Variants in TACR3 observed in about 807,000 individuals in gnomAD.
The protein encoded by TACR3 is neuromedin-K receptor.
In TACR3, 34 loss-of-function variants were observed where a neutral mutation model predicts 35.0. That is an observed-to-expected ratio of 0.97 (90% confidence interval 0.74 to 1.30). The LOEUF (loss-of-function observed/expected upper bound fraction) is 1.30, where lower values mean the gene tolerates loss of function less well. Ranked by LOEUF, TACR3 falls within the 50% of genes most tolerant of loss-of-function variation. TACR3 has a pLI of 0.00. For missense variants in TACR3, 558 were observed against 591.7 expected (o/e 0.94, Z 0.59); for synonymous variants, 233 against 221.1 (o/e 1.05, Z -0.48).
At chr4:103,681,381 T>C (rs1029512623) in intron 1 of TACR3, among the ~76,000 whole-genome samples, 3 of 152,070 alleles carry the variant, frequency 2.0e-5, no homozygotes, top group Middle Eastern at 3.2e-3. Context: ...TGTCATAACA[T>C]CTCTCATTTA....
chr4:103,714,347 T>C (rs1047719293), intron 1 of TACR3, among the ~76,000 whole-genome samples: 1 of 152,130 alleles, frequency 6.6e-6, no homozygotes, highest in African/African-American at 2.4e-5. Flanking sequence ...TCAATTAATA[T>C]ATATTTATTG....
intron 3 of TACR3, among the ~76,000 whole-genome samples, chr4:103,605,536 A>T (rs1191149589): frequency 6.7e-6 from 1 of 148,892 alleles, no homozygotes; most frequent in African/African-American, 2.5e-5. Context: ...GGTGTGAGAT[A>T]GTATCTCATT....
At chr4:103,643,542 T>A (rs950583856) in intron 3 of TACR3, among the ~76,000 whole-genome samples, 1 of 151,786 alleles carries the variant, frequency 6.6e-6, no homozygotes, top group Non-Finnish European at 1.5e-5. Context: ...AGGAATGAAC[T>A]CTACTTGCAC....
At chr4:103,716,369 C>T (rs543278754) in intron 1 of TACR3, among the ~76,000 whole-genome samples, 9 of 151,934 alleles carry the variant, frequency 5.9e-5, no homozygotes, top group East Asian at 3.9e-4. Flanking sequence ...AAAACAGTTT[C>T]GCAGGACTTT....
At chr4:103,689,099 A>G (rs1196724233) in intron 1 of TACR3, among the ~76,000 whole-genome samples, 96 of 151,886 alleles carry the variant, frequency 6.3e-4, no homozygotes, top group African/African-American at 2.1e-3. Context: ...TGTCCTTTGT[A>G]GGGACATGGA....
intron 3 of TACR3, among the ~76,000 whole-genome samples, chr4:103,653,651 T>C (rs796090322): frequency 6.9e-6 from 1 of 144,806 alleles, no homozygotes; most frequent in Non-Finnish European, 1.5e-5. Flanking sequence ...GGACTTCATG[T>C]CTAAAACACC....
chr4:103,713,519 G>A (rs1156755611), intron 1 of TACR3, among the ~76,000 whole-genome samples: 1 of 151,420 alleles, frequency 6.6e-6, no homozygotes, highest in African/African-American at 2.4e-5. Context: ...TATACCTAAT[G>A]TAAATGACGA....
rs1560822015 is a variant in TACR3 at position 103,650,697 on chromosome 4, AT to A, written c.888+5496del. On this transcript the variant is annotated intron_variant, in intron 3 of 4. Transcript: ENST00000304883. Reference sequence around the variant, plus strand: ...ATATATTATATCATATATAATATATATTTATATATATAAATATATATAAATA... The same window carrying A: ...ATATATTATATCATATATAATATATATTATATATATAAATATATATAAATA... 3.6e-3 allele frequency among the ~76,000 whole-genome samples: 28 copies of A among 7,818 alleles called. 1 individual carries two copies. Among genetic ancestry groups the A allele is most frequent in the African/African-American group, 0.031 (27 of 884 alleles). 5.1% of individuals were successfully genotyped at this position (7,818 alleles called of 152,430 possible).
chr4:103,618,720 A>G (rs1724713432), intron 3 of TACR3, among the ~76,000 whole-genome samples: 1 of 151,678 alleles, frequency 6.6e-6, no homozygotes, highest in Non-Finnish European at 1.5e-5. Context: ...AATTCCTCCA[A>G]TCCATGAGCA....
rs184558790 is a variant in TACR3 at position 103,608,987 on chromosome 4, A to G, written c.889-17304T>C. 1.4e-3 allele frequency among the ~76,000 whole-genome samples: 208 copies of G among 152,248 alleles called. 1 individual carries two copies. Among genetic ancestry groups the G allele is most frequent in the African/African-American group, 4.8e-3 (201 of 41,560 alleles). On this transcript the variant is annotated intron_variant, in intron 3 of 4. Coordinates refer to ENST00000304883, the MANE Select transcript of TACR3 (RefSeq NM_001059.3). ...AGCCTGAGGCAATGTCATTAGCTAA[A>G]TAGATGAGGAATTAATTTGATTAGA...
At chr4:103,616,264 G>A (rs918180940) in intron 3 of TACR3, among the ~76,000 whole-genome samples, 1 of 151,808 alleles carries the variant, frequency 6.6e-6, no homozygotes, top group African/African-American at 2.4e-5. Flanking sequence ...AGAATTTTAG[G>A]GATTCTGGCT....
rs576653976 is a variant in TACR3, at chr4:103,679,322, G to A, written c.549-20919C>T. ...TGTATTTCTTTGAGATGACAGTGTG[G>A]CGTATAAATAATGGCTGTTATGGTT... On this transcript the variant is annotated intron_variant, in intron 1 of 4. Coordinates refer to ENST00000304883, the MANE Select transcript of TACR3 (RefSeq NM_001059.3). Among the ~76,000 whole-genome samples, 424 of 152,074 alleles carry A rather than the reference G, an allele frequency of 2.8e-3. 2 individuals carry two copies. The highest frequency in any genetic ancestry group is 9.8e-3 in the African/African-American group (407 of 41,546).
At chr4:103,708,470 A>G (rs1399681231) in intron 1 of TACR3, among the ~76,000 whole-genome samples, 1 of 152,212 alleles carries the variant, frequency 6.6e-6, no homozygotes, top group Non-Finnish European at 1.5e-5. Context: ...GAAAACTAAC[A>G]AATAGAAAGG....
chr4:103,624,804 G>GT (rs898289393), intron 3 of TACR3, among the ~76,000 whole-genome samples: 7 of 152,202 alleles, frequency 4.6e-5, no homozygotes, highest in African/African-American at 1.4e-4. Context: ...AGAATATTTT[G>GT]TTTTTTCTGA....
intron 3 of TACR3, among the ~76,000 whole-genome samples, chr4:103,609,575 TATCTC>T (rs1303971625): frequency 3.3e-5 from 5 of 152,252 alleles, no homozygotes; most frequent in Non-Finnish European, 5.9e-5. Flanking sequence ...ACAGAATACT[TATCTC>T]AAACATTTGT....
intron 1 of TACR3, among the ~76,000 whole-genome samples, chr4:103,709,033 G>T (rs1293399936): frequency 6.6e-6 from 1 of 152,196 alleles, no homozygotes; most frequent in Non-Finnish European, 1.5e-5. Flanking sequence ...CCTCTGATTG[G>T]TGTACCTGCA....
At chr4:103,624,127 A>G (rs1724841802) in intron 3 of TACR3, among the ~76,000 whole-genome samples, 2 of 152,276 alleles carry the variant, frequency 1.3e-5, no homozygotes, top group South Asian at 2.1e-4. Context: ...TCTAATTAAT[A>G]TTTGAGTTCC....
Position 103,719,466 on chromosome 4 carries a change from G to A in TACR3, c.210C>T (p.Pro70=). 1.2e-6 allele frequency: 2 copies of A among 1,613,678 alleles called. No homozygotes were observed. Among genetic ancestry groups the A allele is most frequent in the South Asian group, 1.1e-5 (1 of 91,082 alleles). ...CGAACTGGTTGGTGAGGTTGGCCCA[G>A]GGCTGGGAGGGCGCGGGGGAAGCCA... is the stretch of plus-strand genomic sequence containing the variant. ...LPVASPAPSQ[P]WANLTNQFVQ... Residue 70 remains proline, a synonymous_variant, in exon 1 of 5, where the codon CCC becomes CCT. Coordinates refer to ENST00000304883, the MANE Select transcript of TACR3 (RefSeq NM_001059.3).
At chr4:103,623,192 ATACAT>A (rs747718755) in intron 3 of TACR3, among the ~76,000 whole-genome samples, 9 of 152,144 alleles carry the variant, frequency 5.9e-5, no homozygotes, top group Non-Finnish European at 1.0e-4. Flanking sequence ...TTTAAAATAA[ATACAT>A]TAATGCTTTA....
Sources: gnomAD v4.1 joint callset for allele counts (sites outside exome capture counted in the v4.1 genomes callset) on GRCh38, gnomAD v4.1.1 for gene constraint, MANE v1.5 for transcripts, NCBI Gene and HGNC (gene_info 2026-07-23, HGNC 2026-07-21) for gene names.